PPP2CB: variants seen among roughly 807,000 people sequenced by gnomAD.
PPP2CB encodes protein phosphatase 2 catalytic subunit beta.
A neutral mutation model predicts 39.1 loss-of-function variants in PPP2CB; 18 were observed. The observed-to-expected ratio is 0.46, with a 90% CI of 0.32 to 0.68. The LOEUF (loss-of-function observed/expected upper bound fraction) is 0.68, where lower values mean the gene tolerates loss of function less well. Among genes scored for constraint, PPP2CB ranks in the 30% least tolerant of loss-of-function variants. PPP2CB has a pLI of 0.04. For synonymous variants in PPP2CB, 129 were observed against 133.8 expected (o/e 0.96, Z 0.25); for missense variants, 226 against 396.9 (o/e 0.57, Z 3.66).
chr8:30,786,662 C>CTTTTT (rs35450368), intron 6 of PPP2CB, among the ~76,000 whole-genome samples: 1 of 127,758 alleles, frequency 7.8e-6, no homozygotes, highest in South Asian at 2.4e-4. Context: ...AATAATATCA[C>CTTTTT]TTTTTTTTTT....
chr8:30,791,357 T>A (rs751591551), intron 5 of PPP2CB, 42 bp from the exon 6 acceptor site: 1 of 1,398,424 alleles, frequency 7.2e-7, no homozygotes, highest in South Asian at 1.2e-5. Context: ...TATAATATTA[T>A]GATTTTGACA....
chr8:30,802,231 C>A (rs1318636299), intron 1 of PPP2CB, among the ~76,000 whole-genome samples: 4 of 152,052 alleles, frequency 2.6e-5, no homozygotes, highest in Admixed American at 6.6e-5. Flanking sequence ...AATCTTAAGG[C>A]CTTTATACCC....
chr8:30,805,909 G>A (rs576013336), intron 1 of PPP2CB, among the ~76,000 whole-genome samples: 2 of 152,192 alleles, frequency 1.3e-5, no homozygotes, highest in South Asian at 2.1e-4. Context: ...CAGTTTACAA[G>A]GAATGATGAT....
At position 30,797,012 on chromosome 8, in the gene PPP2CB, T is replaced by A. The variant is rs969110867; in HGVS notation, c.486+569A>T. Among the ~76,000 whole-genome samples, 39 of 149,570 alleles carry A rather than the reference T, an allele frequency of 2.6e-4. 1 individual carries two copies. Among genetic ancestry groups the A allele is most frequent in the Non-Finnish European group, 2.9e-5 (2 of 67,916 alleles). On this transcript the variant is annotated intron_variant, in intron 3 of 6. Coordinates refer to ENST00000221138, the MANE Select transcript of PPP2CB (RefSeq NM_001009552.2). ...GCACGCGCCACTATGCCTAGCTAAT[T>A]TTTAAATTTTTTTTTTTGTAGAGAC...
At chr8:30,799,058 T>C (rs1334560300) in intron 2 of PPP2CB, among the ~76,000 whole-genome samples, 5 of 152,170 alleles carry the variant, frequency 3.3e-5, no homozygotes, top group Non-Finnish European at 7.3e-5. Context: ...TTTGATTCTA[T>C]AGGCAACAGG....
Position 30,812,472 on chromosome 8 carries a change from C to T in PPP2CB, c.-51G>A, listed in dbSNP as rs1176735831. On this transcript the variant is annotated 5_prime_UTR_variant, in exon 1 of 7. Coordinates refer to ENST00000221138, the MANE Select transcript of PPP2CB (RefSeq NM_001009552.2). The stretch of plus-strand genomic sequence containing the variant: ...CGAGCCCCAGCCCGGCCGCCGCCCT[C>T]CCCCCTCCCCACCCGCCCCCGGCCC... 3.0e-6 allele frequency: 4 copies of T among 1,319,258 alleles called. No homozygotes were observed. The Admixed American group carries it at 7.2e-5, about 24-fold the overall frequency. The allele number at this position is 1,319,258 out of a possible 1,614,324, so 81.7% of individuals were successfully genotyped here. A position where few individuals can be genotyped will look rare whatever the true frequency, so the allele number is the denominator to read the frequency against.
chr8:30,806,485 T>C (rs1482580281), intron 1 of PPP2CB, among the ~76,000 whole-genome samples: 1 of 152,164 alleles, frequency 6.6e-6, no homozygotes, highest in Non-Finnish European at 1.5e-5. Context: ...AGGTTTACAT[T>C]TCATTACATT....
chr8:30,795,156 CTT>C (rs1414762455), intron 3 of PPP2CB, among the ~76,000 whole-genome samples: 7 of 133,666 alleles, frequency 5.2e-5, no homozygotes, highest in Non-Finnish European at 1.1e-4. Context: ...GAGTTTCGCT[CTT>C]GTTGCCCAGT....
At position 30,812,465 on chromosome 8, in the gene PPP2CB, CCG is replaced by C; in HGVS notation, c.-46_-45del. The C allele has an allele frequency of 7.2e-7, 1 of 1,383,728 alleles. No homozygotes were observed. Among genetic ancestry groups the C allele is most frequent in the Non-Finnish European group, 9.6e-7 (1 of 1,042,688 alleles). The allele number at this position is 1,383,728 out of a possible 1,614,324, so 85.7% of individuals were successfully genotyped here. ...CGGATCCCGAGCCCCAGCCCGGCCG[CCG>C]CCCTCCCCCCTCCCCACCCGCCCCC... On this transcript the variant is annotated 5_prime_UTR_variant, in exon 1 of 7. Coordinates refer to ENST00000221138, the MANE Select transcript of PPP2CB (RefSeq NM_001009552.2).
intron 2 of PPP2CB, among the ~76,000 whole-genome samples, chr8:30,798,087 T>C (rs1190078250): frequency 1.3e-5 from 2 of 152,188 alleles, no homozygotes; most frequent in African/African-American, 2.4e-5. Context: ...CCTAAATCTT[T>C]CTAGAACACT....
intron 1 of PPP2CB, among the ~76,000 whole-genome samples, chr8:30,807,727 G>C (rs960640733): frequency 2.6e-5 from 4 of 152,168 alleles, no homozygotes; most frequent in Non-Finnish European, 5.9e-5. Context: ...AGAGTGTCCT[G>C]AGCAGTGCCA....
chr8:30,800,464 C>G (rs1806602105), intron 1 of PPP2CB, among the ~76,000 whole-genome samples: 1 of 152,128 alleles, frequency 6.6e-6, no homozygotes, highest in African/African-American at 2.4e-5. Context: ...ATTCTTACAC[C>G]AATTCATAGG....
chr8:30,802,216 T>A (rs1806638721), intron 1 of PPP2CB, among the ~76,000 whole-genome samples: 1 of 152,184 alleles, frequency 6.6e-6, no homozygotes, highest in African/African-American at 2.4e-5. Flanking sequence ...TTAATCTAAT[T>A]GTGTAATCTT....
intron 2 of PPP2CB, 90 bp downstream of exon 2, chr8:30,799,456 G>T: frequency 9.4e-7 from 1 of 1,068,670 alleles, no homozygotes; most frequent in Non-Finnish European, 1.4e-6. Flanking sequence ...AAACTGAACA[G>T]ACCATAAAAC....
intron 1 of PPP2CB, among the ~76,000 whole-genome samples, chr8:30,803,716 T>G (rs1313433712): frequency 6.6e-6 from 1 of 152,186 alleles, no homozygotes; most frequent in Non-Finnish European, 1.5e-5. Context: ...ACTTGCACAG[T>G]AAAAATTATA....
intron 1 of PPP2CB, among the ~76,000 whole-genome samples, chr8:30,803,058 G>A (rs1806652649): frequency 1.3e-5 from 2 of 152,192 alleles, no homozygotes; most frequent in Non-Finnish European, 1.5e-5. Context: ...AAGAAGTGAT[G>A]CTAGCAAAAA....
At chr8:30,787,599 T>C (rs1380755738) in intron 6 of PPP2CB, among the ~76,000 whole-genome samples, 2 of 152,220 alleles carry the variant, frequency 1.3e-5, no homozygotes, top group Non-Finnish European at 2.9e-5. Context: ...CTTCCCAAAG[T>C]GCTAGGATTA....
rs1359380696 is a variant in PPP2CB, at chr8:30,786,250, T to C, written c.915A>G (p.Pro305=). 4 of 1,577,648 alleles carry C rather than the reference T, an allele frequency of 2.5e-6. No individual in the cohort carries two copies. The highest frequency in any genetic ancestry group is 2.6e-6 in the Non-Finnish European group (3 of 1,161,294). The part of the protein sequence containing the change: ...RGEPHVTRRT[P]DYFL ...CAGGAGAAATTTATAGGAAGTAGTC[T>C]GGGGTGCGCCGTGTAACATGAGGCT... Residue 305 remains proline, a synonymous_variant, in exon 7 of 7, where the codon CCA becomes CCG. Coordinates refer to ENST00000221138, the MANE Select transcript of PPP2CB (RefSeq NM_001009552.2).
In PPP2CB at chr8:30,787,149, T is replaced by C. The variant is rs1340375341; in HGVS notation, c.858-842A>G. Among the ~76,000 whole-genome samples, 3 of 152,334 alleles carry C rather than the reference T, an allele frequency of 2.0e-5. No homozygotes were observed. In the East Asian group the frequency reaches 5.8e-4, roughly 29 times the overall value. On this transcript the variant is annotated intron_variant, in intron 6 of 6. Coordinates refer to ENST00000221138, the MANE Select transcript of PPP2CB (RefSeq NM_001009552.2). ...TCCCACTTGCTCATGGTGTATAATC[T>C]TTTTACATATTGCTAGATCCAGGTT... is the stretch of plus-strand genomic sequence containing the variant.
Sources: allele counts gnomAD v4.1 joint callset (sites outside exome capture counted in the v4.1 genomes callset), GRCh38; gene constraint gnomAD v4.1.1; transcripts MANE v1.5; gene names NCBI Gene and HGNC (gene_info 2026-07-23, HGNC 2026-07-21).